DNAH17: variants seen among roughly 807,000 people sequenced by gnomAD.
The protein encoded by DNAH17 is axonemal beta dynein heavy chain 17.
Under a neutral mutation model 485.6 loss-of-function variants are expected in DNAH17, and 376 were observed. That is an observed-to-expected ratio of 0.77 (90% confidence interval 0.71 to 0.84). DNAH17 has a LOEUF of 0.84. Ranked by LOEUF, DNAH17 falls within the 40% of genes least tolerant of loss-of-function variation. DNAH17 has a pLI of 0.00. For missense variants in DNAH17, 6,370 were observed against 5,839.3 expected, an observed-to-expected ratio of 1.09 and a Z score of -2.96; for synonymous variants, 3,031 against 2,405.9, an observed-to-expected ratio of 1.26 and a Z score of -7.60.
At chr17:78,508,965 A>G in intron 27 of DNAH17, among the ~76,000 whole-genome samples, 1 of 119,446 alleles carries the variant, frequency 8.4e-6, no homozygotes, top group African/African-American at 3.4e-5. Context: ...TCATGTGCCC[A>G]GCTGTTTTTT....
chr17:78,504,191 G>A (rs887708120), intron 31 of DNAH17, among the ~76,000 whole-genome samples: 3 of 151,330 alleles, frequency 2.0e-5, no homozygotes, highest in Non-Finnish European at 2.9e-5. Flanking sequence ...TCAACCTCCC[G>A]AGTAGCTGGG....
intron 30 of DNAH17, among the ~76,000 whole-genome samples, chr17:78,506,099 C>T (rs12949098): frequency 0.19 from 28,884 of 151,126 alleles, 2,876 homozygotes; most frequent in East Asian, 0.27. Context: ...TCTAACCTTA[C>T]GGTCAAAATA....
chr17:78,480,013 C>A, intron 49 of DNAH17, among the ~76,000 whole-genome samples: 1 of 70,538 alleles, frequency 1.4e-5, no homozygotes. Context: ...ACAACAAGTA[C>A]TTTTTTTTTT....
chr17:78,452,589 T>G (rs2087600948), intron 65 of DNAH17, among the ~76,000 whole-genome samples: 1 of 151,956 alleles, frequency 6.6e-6, no homozygotes, highest in African/African-American at 2.4e-5. Flanking sequence ...AATACAAAAA[T>G]TAGCTGGGCA....
Position 78,463,960 on chromosome 17 carries a change from G to A in DNAH17, c.8941-883C>T, listed in dbSNP as rs985531394. 3.9e-5 allele frequency among the ~76,000 whole-genome samples: 6 copies of A among 152,214 alleles called. 1 individual carries two copies. In the South Asian group the frequency reaches 1.0e-3, roughly 26 times the overall value. On this transcript the variant is annotated intron_variant, in intron 56 of 80. Coordinates refer to ENST00000389840, the MANE Select transcript of DNAH17 (RefSeq NM_173628.4). The stretch of plus-strand genomic sequence containing the variant: ...AGAAACCCAAATCTATGCTCCAAGG[G>A]ACACCTTTGAACTGCAGAGTTCCTG...
chr17:78,564,492 C>G (rs901597942), intron 11 of DNAH17, among the ~76,000 whole-genome samples: 3 of 152,120 alleles, frequency 2.0e-5, no homozygotes, highest in Non-Finnish European at 4.4e-5. Flanking sequence ...AGCCTGTGCC[C>G]CATCTTTAAT....
chr17:78,548,075 G>A (rs371838965), intron 16 of DNAH17, among the ~76,000 whole-genome samples: 5 of 152,156 alleles, frequency 3.3e-5, no homozygotes, highest in African/African-American at 7.2e-5. Context: ...AGTCTAACTG[G>A]TGCTTCAGTA....
In DNAH17 at chr17:78,486,042, T is replaced by C. The variant is rs762604849; in HGVS notation, c.7193A>G (p.Tyr2398Cys). 2 of 1,613,964 alleles carry C rather than the reference T, an allele frequency of 1.2e-6. No individual in the cohort carries two copies. The highest frequency in any genetic ancestry group is 1.3e-5 in the African/African-American group (1 of 75,018). ...GAACTTTTTTGTGTCAGGATCAATG[T>C]AGTAGTCAAAAATCGTTCCCTGCGA... ...FPSQGTIFDY[Y>C]IDPDTKKFLP... Residue 2398 changes from tyrosine (Y) to cysteine (C), a missense_variant, in exon 46 of 81, where the codon TAC becomes TGC. Coordinates refer to ENST00000389840, the MANE Select transcript of DNAH17 (RefSeq NM_173628.4).
At chr17:78,526,624 C>G (rs770799260) in intron 24 of DNAH17, 27 bp downstream of exon 24, 3 of 1,562,726 alleles carry the variant, frequency 1.9e-6, no homozygotes, top group Admixed American at 1.9e-5. Context: ...AGACTTACCC[C>G]CTGATCTCAC....
Position 78,571,260 on chromosome 17 carries a change from G to A in DNAH17, c.832+19C>T. 6.2e-7 allele frequency: 1 copy of A among 1,602,962 alleles called. No individual in the cohort carries two copies. The highest frequency in any genetic ancestry group is 1.3e-5 in the African/African-American group (1 of 74,866). On this transcript the variant is annotated intron_variant, in intron 5 of 80. Transcript: ENST00000389840. ...ACAAACAGCTTCGTGCAGAACTCATGACAGGGTCACAGGCTCACCTTCAGT... is the reference window on the plus strand; with the variant it reads ...ACAAACAGCTTCGTGCAGAACTCATAACAGGGTCACAGGCTCACCTTCAGT...
At chr17:78,484,329 A>C (rs11871219) in intron 48 of DNAH17, among the ~76,000 whole-genome samples, 118,509 of 151,336 alleles carry the variant, frequency 0.78, 46,647 homozygotes, top group African/African-American at 0.86. Flanking sequence ...GTGGCAGGGC[A>C]TTTACACGTG....
intron 56 of DNAH17, among the ~76,000 whole-genome samples, 180 bp downstream of exon 56, chr17:78,466,470 AAAAAT>A (rs1183734411): frequency 6.6e-6 from 1 of 152,158 alleles, no homozygotes; most frequent in Non-Finnish European, 1.5e-5. Context: ...ATAAAAAATA[AAAAAT>A]AAAACCTCAC....
chr17:78,539,790 C>T lies in DNAH17; in HGVS notation c.2623G>A (p.Asp875Asn), dbSNP rs774313007. ...YIDDMVLDEF[D>N]QFIRKSLSFL... is the part of the protein sequence containing the mutation. ...CTCAGAGATTTGCGAATGAACTGGT[C>T]AAATTCATCTAAGACCATGTCGTCA... Residue 875 changes from aspartate to asparagine, a missense_variant, in exon 18 of 81, where the codon GAC becomes AAC. Coordinates refer to ENST00000389840, the MANE Select transcript of DNAH17 (RefSeq NM_173628.4). 12 of 1,611,802 alleles carry T rather than the reference C, an allele frequency of 7.4e-6. No individual in the cohort carries two copies. Among genetic ancestry groups the T allele is most frequent in the South Asian group, 3.3e-5 (3 of 90,844 alleles).
intron 52 of DNAH17, 83 bp downstream of exon 52, chr17:78,476,489 G>A: frequency 1.4e-6 from 2 of 1,458,888 alleles, no homozygotes; most frequent in Non-Finnish European, 1.8e-6. Context: ...TTCTGAGAGG[G>A]CTGCAGTTCT....
intron 23 of DNAH17, 28 bp from the exon 24 acceptor site, chr17:78,526,765 G>A (rs757093624): frequency 1.6e-5 from 25 of 1,584,714 alleles, no homozygotes; most frequent in Non-Finnish European, 2.1e-5. Context: ...AAAGTACAGA[G>A]AGTCACGGGG....
chr17:78,509,911 G>A (rs752157005), intron 27 of DNAH17, among the ~76,000 whole-genome samples: 11 of 152,222 alleles, frequency 7.2e-5, no homozygotes, highest in Non-Finnish European at 1.5e-4. Flanking sequence ...GGCTGGCGCA[G>A]TGGCTCACGC....
chr17:78,439,332 A>C (rs2086978729), intron 72 of DNAH17, 115 bp from the exon 73 acceptor site: 2 of 1,238,986 alleles, frequency 1.6e-6, no homozygotes, highest in Non-Finnish European at 2.2e-6. Flanking sequence ...TCGGTGGTGA[A>C]ATACACATGA....
At position 78,449,528 on chromosome 17, in the gene DNAH17, C is replaced by A. The variant is rs779258886; in HGVS notation, c.11097G>T (p.Val3699=). Residue 3699 remains valine, a synonymous_variant, in exon 69 of 81, where the codon GTG becomes GTT. Transcript: ENST00000389840. ...CCGTCAGGTTGATCACCCGCTGCTT[C>A]ACCTCGTTGGCAGGGGTGGTCCTCT... ...AIQRTTPANE[V]KQRVINLTDE... is the part of the protein sequence containing the mutation. 5 of 1,600,962 alleles carry A rather than the reference C, an allele frequency of 3.1e-6. No homozygotes were observed. In the South Asian group the frequency reaches 5.6e-5, roughly 18 times the overall value.
At chr17:78,552,869 A>G in intron 14 of DNAH17, 64 bp from the exon 15 acceptor site, 1 of 1,169,496 alleles carries the variant, frequency 8.6e-7, no homozygotes, top group South Asian at 1.2e-5. Flanking sequence ...TTCTCTGGTA[A>G]GGACCTTTTA....
Sources: gnomAD v4.1 joint callset for allele counts (sites outside exome capture counted in the v4.1 genomes callset) on GRCh38, gnomAD v4.1.1 for gene constraint, MANE v1.5 for transcripts, NCBI Gene and HGNC (gene_info 2026-07-23, HGNC 2026-07-21) for gene names.